The following TMEM266 variants were observed in gnomAD, a reference collection of about 807,000 sequenced individuals.
TMEM266 encodes transmembrane protein 266.
A neutral mutation model predicts 50.5 loss-of-function variants in TMEM266; 33 were observed. That is an observed-to-expected ratio of 0.65 (90% CI 0.50 to 0.87). TMEM266 has a LOEUF of 0.87. Among genes scored for constraint, TMEM266 ranks in the 40% least tolerant of loss-of-function variants. The pLI, the probability that TMEM266 is intolerant of heterozygous loss-of-function variation, is 0.00. For synonymous variants in TMEM266, 310 were observed against 292.3 expected, an observed-to-expected ratio of 1.06 and a Z score of -0.62; for missense variants, 655 against 695.1, an observed-to-expected ratio of 0.94 and a Z score of 0.65.
chr15:76,129,270 T>A (rs1232113152), intron 1 of TMEM266, among the ~76,000 whole-genome samples: 2 of 152,100 alleles, frequency 1.3e-5, no homozygotes, highest in South Asian at 2.1e-4. Context: ...TGCAAAAAAA[T>A]TGAACCTGAA....
intron 1 of TMEM266, among the ~76,000 whole-genome samples, chr15:76,114,953 T>G (rs909171220): frequency 3.9e-5 from 6 of 152,138 alleles, no homozygotes; most frequent in Admixed American, 1.3e-4. Context: ...TCAAGGTTCA[T>G]CATGTCTAGA....
intron 6 of TMEM266, 140 bp downstream of exon 6, chr15:76,170,012 T>C (rs779450367): frequency 1.4e-4 from 96 of 704,226 alleles, no homozygotes; most frequent in Non-Finnish European, 2.1e-4. Flanking sequence ...CTGTGCATGT[T>C]GGGTGGGGCA....
In TMEM266 at chr15:76,201,740, C is replaced by T. The variant is rs556895832; in HGVS notation, c.959-462C>T. Among the ~76,000 whole-genome samples, 16 of 152,278 alleles carry T rather than the reference C, an allele frequency of 1.1e-4. No homozygotes were observed. The East Asian group carries it at 1.2e-3, about 11-fold the overall frequency. The stretch of plus-strand genomic sequence containing the variant: ...TGGAGCCCACAGGTGGATCGAGCCA[C>T]GGGGGGCTATCTGGATGGCACCTCA... On this transcript the variant is annotated intron_variant, in intron 9 of 10. Transcript: ENST00000388942.
rs147158043 is a variant in TMEM266 at position 76,171,115 on chromosome 15, G to A, written c.636G>A (p.Val212=). The A allele has an allele frequency of 5.4e-5, 87 of 1,613,808 alleles. 1 individual carries two copies. The South Asian group carries it at 6.5e-4, about 12-fold the overall frequency. Reference sequence around the variant, plus strand: ...TCATCATGCTCCGGATCTGGAGGGTGAAGAGGGTCATTGATGGTGAGTGGC... The same window carrying A: ...TCATCATGCTCCGGATCTGGAGGGTAAAGAGGGTCATTGATGGTGAGTGGC... ...WRVKRVIDAY[V]LPVKLEMEMV... is the part of the protein sequence containing the mutation. Residue 212 remains valine (V), a synonymous_variant, in exon 7 of 11, where the codon GTG becomes GTA. Coordinates refer to ENST00000388942, the MANE Select transcript of TMEM266 (RefSeq NM_152335.3).
intron 1 of TMEM266, among the ~76,000 whole-genome samples, chr15:76,083,947 ATGTT>A (rs1332157788): frequency 6.6e-6 from 1 of 152,158 alleles, no homozygotes; most frequent in African/African-American, 2.4e-5. Flanking sequence ...CAGGCTCTGT[ATGTT>A]ATTGGAGCAC....
intron 4 of TMEM266, among the ~76,000 whole-genome samples, chr15:76,158,942 A>G (rs1352516870): frequency 6.6e-6 from 1 of 152,168 alleles, no homozygotes; most frequent in Non-Finnish European, 1.5e-5. Context: ...CAGATCCCAG[A>G]GCTTCGGGAG....
At chr15:76,163,590 G>A (rs555653537) in intron 5 of TMEM266, among the ~76,000 whole-genome samples, 4 of 152,198 alleles carry the variant, frequency 2.6e-5, no homozygotes, top group East Asian at 3.9e-4. Context: ...GCGCAGCCCC[G>A]CCCTTGGCTG....
chr15:76,104,887 T>C (rs1350167978), intron 1 of TMEM266, among the ~76,000 whole-genome samples: 2 of 151,932 alleles, frequency 1.3e-5, no homozygotes, highest in Admixed American at 6.6e-5. Flanking sequence ...CAGGATTGAC[T>C]GTTTTGCCTT....
chr15:76,082,454 A>G (rs1250095525), intron 1 of TMEM266, among the ~76,000 whole-genome samples: 1 of 152,248 alleles, frequency 6.6e-6, no homozygotes, highest in Non-Finnish European at 1.5e-5. Flanking sequence ...GAAGAAAATA[A>G]TGTATTATAA....
intron 1 of TMEM266, among the ~76,000 whole-genome samples, chr15:76,115,642 G>A (rs895781617): frequency 5.3e-5 from 8 of 152,186 alleles, no homozygotes; most frequent in African/African-American, 9.7e-5. Context: ...CTGTGTCCCC[G>A]GGATTCCCCT....
intron 1 of TMEM266, among the ~76,000 whole-genome samples, chr15:76,100,701 C>T (rs768874561): frequency 6.6e-6 from 1 of 152,184 alleles, no homozygotes; most frequent in Non-Finnish European, 1.5e-5. Flanking sequence ...ATGTGTCAGT[C>T]ATTTCGCTGC....
intron 1 of TMEM266, among the ~76,000 whole-genome samples, chr15:76,130,511 G>T (rs576582615): frequency 5.3e-5 from 8 of 152,258 alleles, no homozygotes; most frequent in Non-Finnish European, 1.2e-4. Context: ...GCGCACTCCA[G>T]CCTGGGTGAC....
chr15:76,143,636 A>G (rs987249253), intron 3 of TMEM266, among the ~76,000 whole-genome samples: 1 of 152,188 alleles, frequency 6.6e-6, no homozygotes, highest in Non-Finnish European at 1.5e-5. Flanking sequence ...GGTTACAGGC[A>G]TGAGCCACCG....
chr15:76,077,220 C>T (rs1395574243), intron 1 of TMEM266, among the ~76,000 whole-genome samples: 1 of 152,058 alleles, frequency 6.6e-6, no homozygotes, highest in African/African-American at 2.4e-5. Flanking sequence ...TCCACCTTGG[C>T]CTCCCAAAGT....
chr15:76,093,649 A>C (rs2036884374), intron 1 of TMEM266, among the ~76,000 whole-genome samples: 1 of 152,108 alleles, frequency 6.6e-6, no homozygotes, highest in Non-Finnish European at 1.5e-5. Flanking sequence ...TTGCTGGGTC[A>C]AATGGTATTT....
intron 1 of TMEM266, chr15:76,113,229 G>A (rs2955759): frequency 0.4 from 60,918 of 152,014 alleles, 13,239 homozygotes; most frequent in East Asian, 0.6. Flanking sequence ...CAGGAGAATC[G>A]CTTGAACCTG....
intron 8 of TMEM266, among the ~76,000 whole-genome samples, chr15:76,182,551 G>A (rs969221551): frequency 3.3e-5 from 5 of 152,098 alleles, no homozygotes; most frequent in Non-Finnish European, 7.4e-5. Context: ...GGCTGAGGCA[G>A]GAGAATGGCA....
chr15:76,181,464 T>G (rs2038403732), intron 8 of TMEM266: 1 of 152,220 alleles, frequency 6.6e-6, no homozygotes, highest in Admixed American at 6.5e-5. Context: ...TGCAGTCCCT[T>G]CCAGACTCCC....
At chr15:76,162,722 G>T (rs945138051) in intron 5 of TMEM266, among the ~76,000 whole-genome samples, 1 of 152,204 alleles carries the variant, frequency 6.6e-6, no homozygotes, top group East Asian at 1.9e-4. Context: ...TGGCAGGGTG[G>T]GCAGGGACCA....
Sources: allele counts gnomAD v4.1 joint callset (sites outside exome capture counted in the v4.1 genomes callset), GRCh38; gene constraint gnomAD v4.1.1; transcripts MANE v1.5; gene names NCBI Gene and HGNC (gene_info 2026-07-23, HGNC 2026-07-21).